Variants in CCDC85A observed in about 807,000 individuals in gnomAD.
The protein encoded by CCDC85A is coiled-coil domain containing 85A.
In CCDC85A, 38 loss-of-function variants were observed where a neutral mutation model predicts 50.2. The observed-to-expected ratio is 0.76, with a 90% CI of 0.58 to 0.99. The LOEUF is 0.99. Among genes scored for constraint, CCDC85A ranks in the 50% least tolerant of loss-of-function variants. The pLI, the probability that CCDC85A is intolerant of heterozygous loss-of-function variation, is 0.00. For synonymous variants in CCDC85A, 366 were observed against 301.4 expected, an observed-to-expected ratio of 1.21 and a Z score of -2.22; for missense variants, 820 against 742.0, an observed-to-expected ratio of 1.11 and a Z score of -1.22.
At chr2:56,347,256 C>T (rs1196788069) in intron 3 of CCDC85A, among the ~76,000 whole-genome samples, 1 of 152,140 alleles carries the variant, frequency 6.6e-6, no homozygotes, top group Non-Finnish European at 1.5e-5. Flanking sequence ...AGGTTAGGAG[C>T]GTCCTCCTGT....
At chr2:56,200,427 T>G (rs545461025) in intron 2 of CCDC85A, among the ~76,000 whole-genome samples, 1 of 152,284 alleles carries the variant, frequency 6.6e-6, no homozygotes, top group African/African-American at 2.4e-5. Flanking sequence ...AAATTTGAGA[T>G]TCGATATCAA....
At chr2:56,362,423 A>G (rs1301346861) in intron 3 of CCDC85A, among the ~76,000 whole-genome samples, 2 of 151,304 alleles carry the variant, frequency 1.3e-5, no homozygotes, top group African/African-American at 2.4e-5. Flanking sequence ...GAAGAATGAA[A>G]TATATATATA....
At chr2:56,306,381 G>C (rs1479343427) in intron 2 of CCDC85A, among the ~76,000 whole-genome samples, 1 of 152,062 alleles carries the variant, frequency 6.6e-6, no homozygotes, top group Non-Finnish European at 1.5e-5. Flanking sequence ...ACCTGCGTTG[G>C]CCTCCCAAAG....
At chr2:56,198,594 T>A (rs1245449286) in intron 2 of CCDC85A, among the ~76,000 whole-genome samples, 1 of 152,204 alleles carries the variant, frequency 6.6e-6, no homozygotes, top group African/African-American at 2.4e-5. Flanking sequence ...ATAGAAAGCT[T>A]AATATTGAAA....
chr2:56,317,462 G>A (rs1247501700), intron 2 of CCDC85A, among the ~76,000 whole-genome samples: 8 of 151,966 alleles, frequency 5.3e-5, no homozygotes, highest in Admixed American at 5.3e-4. Context: ...TATGAACTAA[G>A]GCTGTCTCTC....
At chr2:56,285,553 A>G (rs1671404461) in intron 2 of CCDC85A, among the ~76,000 whole-genome samples, 1 of 146,764 alleles carries the variant, frequency 6.8e-6, no homozygotes, top group Non-Finnish European at 1.5e-5. Context: ...ATATAATATA[A>G]CATAATATAT....
At chr2:56,243,804 A>G (rs1230597352) in intron 2 of CCDC85A, among the ~76,000 whole-genome samples, 1 of 152,104 alleles carries the variant, frequency 6.6e-6, no homozygotes, top group Non-Finnish European at 1.5e-5. Context: ...ATTTGAAGGG[A>G]CCTTGGTATT....
At chr2:56,254,980 G>A (rs1171768899) in intron 2 of CCDC85A, among the ~76,000 whole-genome samples, 1 of 152,202 alleles carries the variant, frequency 6.6e-6, no homozygotes, top group Non-Finnish European at 1.5e-5. Context: ...CTACATGAAT[G>A]ATGTAGCTTG....
chr2:56,358,681 G>C (rs1339303678), intron 3 of CCDC85A, among the ~76,000 whole-genome samples: 4 of 152,202 alleles, frequency 2.6e-5, no homozygotes, highest in Non-Finnish European at 5.9e-5. Flanking sequence ...AAAATAGACA[G>C]TGGCCTGGAT....
chr2:56,214,728 C>G (rs910891380), intron 2 of CCDC85A, among the ~76,000 whole-genome samples: 10 of 151,896 alleles, frequency 6.6e-5, no homozygotes, highest in African/African-American at 2.4e-4. Flanking sequence ...TCCTATTTCA[C>G]TGACATATGT....
intron 2 of CCDC85A, among the ~76,000 whole-genome samples, chr2:56,267,647 T>A (rs922016394): frequency 2.6e-5 from 4 of 152,140 alleles, no homozygotes; most frequent in East Asian, 3.9e-4. Context: ...ATGGCCCTCA[T>A]GCAGCATGAA....
chr2:56,190,067 C>T (rs546667298), intron 1 of CCDC85A, among the ~76,000 whole-genome samples: 45 of 152,328 alleles, frequency 3.0e-4, no homozygotes, highest in Middle Eastern at 3.4e-3. Context: ...ACTCCCATGA[C>T]TTTAGGAAGT....
chr2:56,256,822 C>T (rs982545370), intron 2 of CCDC85A, among the ~76,000 whole-genome samples: 2 of 152,166 alleles, frequency 1.3e-5, no homozygotes, highest in East Asian at 1.9e-4. Context: ...CCTGCAGACT[C>T]GTCTGAAAAG....
intron 2 of CCDC85A, among the ~76,000 whole-genome samples, chr2:56,303,659 CTGAA>C (rs1672305824): frequency 6.6e-6 from 1 of 152,080 alleles, no homozygotes; most frequent in African/African-American, 2.4e-5. Flanking sequence ...TTTTTTCTCT[CTGAA>C]TGGTTGCTGT....
intron 2 of CCDC85A, among the ~76,000 whole-genome samples, chr2:56,292,053 A>G (rs1198989145): frequency 6.6e-6 from 1 of 152,160 alleles, no homozygotes; most frequent in Non-Finnish European, 1.5e-5. Flanking sequence ...ATTGCATCAC[A>G]GGCACATTCT....
At chr2:56,231,697 T>A (rs1264339405) in intron 2 of CCDC85A, among the ~76,000 whole-genome samples, 1 of 152,166 alleles carries the variant, frequency 6.6e-6, no homozygotes, top group Non-Finnish European at 1.5e-5. Flanking sequence ...TCTATAATGT[T>A]ATCAACCCTA....
intron 2 of CCDC85A, among the ~76,000 whole-genome samples, chr2:56,257,367 C>A (rs1222830851): frequency 6.6e-6 from 1 of 151,996 alleles, no homozygotes; most frequent in Non-Finnish European, 1.5e-5. Flanking sequence ...CTTTCATGAA[C>A]AAGATAGTAT....
intron 5 of CCDC85A, among the ~76,000 whole-genome samples, chr2:56,382,928 A>C (rs1676658670): frequency 6.6e-6 from 1 of 151,918 alleles, no homozygotes; most frequent in Non-Finnish European, 1.5e-5. Context: ...AGTCCATAGC[A>C]TCCTTTGGCT....
At chr2:56,232,877 C>T (rs1049003597) in intron 2 of CCDC85A, among the ~76,000 whole-genome samples, 5 of 152,254 alleles carry the variant, frequency 3.3e-5, no homozygotes, top group South Asian at 2.1e-4. Context: ...CTTTATATAA[C>T]GGGTCACATT....
Sources: gnomAD v4.1 joint callset for allele counts (sites outside exome capture counted in the v4.1 genomes callset) on GRCh38, gnomAD v4.1.1 for gene constraint, MANE v1.5 for transcripts, NCBI Gene and HGNC (gene_info 2026-07-23, HGNC 2026-07-21) for gene names.